MAP2: variants seen among roughly 807,000 people sequenced by gnomAD.
MAP2 encodes the protein microtubule-associated protein 2.
MAP2 carries 14 observed loss-of-function variants against 137.6 expected under a neutral mutation model. The ratio of observed to expected loss-of-function variants is 0.10; its 90% CI spans 0.07 to 0.16. MAP2 has a LOEUF of 0.16. Ranked by LOEUF, MAP2 falls within the 10% of genes least tolerant of loss-of-function variation. The pLI, the probability that MAP2 is intolerant of heterozygous loss-of-function variation, is 1.00. For missense variants in MAP2, 2,088 were observed against 2,191.5 expected, an observed-to-expected ratio of 0.95 and a Z score of 0.94; for synonymous variants, 786 against 782.3, an observed-to-expected ratio of 1.00 and a Z score of -0.08.
chr2:209,594,970 A>G (rs547530919), intron 3 of MAP2, among the ~76,000 whole-genome samples: 2 of 152,320 alleles, frequency 1.3e-5, no homozygotes, highest in African/African-American at 4.8e-5. Flanking sequence ...TAGTTACAGG[A>G]TAACCCCTTC....
At chr2:209,523,143 C>T (rs991523435) in intron 2 of MAP2, among the ~76,000 whole-genome samples, 2 of 152,106 alleles carry the variant, frequency 1.3e-5, no homozygotes, top group Admixed American at 6.6e-5. Context: ...GCTTAGACCT[C>T]AGTTACTCAG....
intron 3 of MAP2, among the ~76,000 whole-genome samples, chr2:209,595,884 T>C (rs1329309233): frequency 6.6e-6 from 1 of 152,042 alleles, no homozygotes; most frequent in Non-Finnish European, 1.5e-5. Context: ...ATGTTCTCAC[T>C]CATAGGTGGG....
rs578033441 is a variant in MAP2, at chr2:209,610,641, T to A, written c.-106-14412T>A. Among the ~76,000 whole-genome samples the A allele has an allele frequency of 5.9e-4, 90 of 152,256 alleles. 1 individual carries two copies. The highest frequency in any genetic ancestry group is 1.0e-3 in the Admixed American group (16 of 15,286). The stretch of plus-strand genomic sequence containing the variant: ...AGGATAAACAGCCTCCTTATTAGAA[T>A]TCTCCAATTCAATTTTGTGAAGAAC... On this transcript the variant is annotated intron_variant, in intron 3 of 15. Coordinates refer to ENST00000682079, the MANE Select transcript of MAP2 (RefSeq NM_001375505.1).
intron 1 of MAP2, among the ~76,000 whole-genome samples, chr2:209,481,927 T>C (rs1708872922): frequency 6.6e-6 from 1 of 152,188 alleles, no homozygotes; most frequent in African/African-American, 2.4e-5. Context: ...GATGTTACAG[T>C]TATTTGTGAG....
chr2:209,478,075 T>A (rs1305184211), intron 1 of MAP2, among the ~76,000 whole-genome samples: 1 of 152,214 alleles, frequency 6.6e-6, no homozygotes, highest in Non-Finnish European at 1.5e-5. Context: ...AAGTGCTACT[T>A]GGGCTAAAGT....
intron 4 of MAP2, among the ~76,000 whole-genome samples, chr2:209,638,609 A>T (rs1235650659): frequency 2.0e-5 from 3 of 152,142 alleles, no homozygotes; most frequent in Non-Finnish European, 4.4e-5. Context: ...TGCTCCACAG[A>T]TGTAGTAGGT....
At chr2:209,519,691 G>A (rs2063000018) in intron 2 of MAP2, among the ~76,000 whole-genome samples, 1 of 152,030 alleles carries the variant, frequency 6.6e-6, no homozygotes, top group Non-Finnish European at 1.5e-5. Flanking sequence ...AGAGAGATTT[G>A]AATAAGAGGT....
At chr2:209,651,840 A>G (rs1167686303) in intron 4 of MAP2, among the ~76,000 whole-genome samples, 5 of 152,164 alleles carry the variant, frequency 3.3e-5, no homozygotes, top group Non-Finnish European at 5.9e-5. Context: ...TAGCAACAAA[A>G]TTCAGTTAAA....
intron 13 of MAP2, chr2:209,723,747 G>A: frequency 8.9e-7 from 1 of 1,125,592 alleles, no homozygotes; most frequent in Non-Finnish European, 1.4e-6. Context: ...TGCACAGCCA[G>A]CACCCTGCCT....
At chr2:209,551,695 C>T (rs927382305) in intron 2 of MAP2, among the ~76,000 whole-genome samples, 2 of 151,998 alleles carry the variant, frequency 1.3e-5, no homozygotes, top group East Asian at 1.9e-4. Flanking sequence ...TTGCATGTAC[C>T]GAAATGTTCT....
chr2:209,676,759 A>C (rs1465392917), intron 5 of MAP2, among the ~76,000 whole-genome samples: 5 of 94,650 alleles, frequency 5.3e-5, no homozygotes, highest in Non-Finnish European at 1.1e-4. Flanking sequence ...ATATATATAT[A>C]TATATATATA....
In MAP2 at chr2:209,587,850, T is replaced by C. The variant is rs141864779; in HGVS notation, c.-107+7750T>C. 4.1e-3 allele frequency among the ~76,000 whole-genome samples: 617 copies of C among 152,290 alleles called. 5 individuals are homozygous for C. Among genetic ancestry groups the C allele is most frequent in the African/African-American group, 0.014 (581 of 41,572 alleles). On this transcript the variant is annotated intron_variant, in intron 3 of 15. Transcript: ENST00000682079. The stretch of plus-strand genomic sequence containing the variant: ...CCAGACCTTGTTATCATTTTGTAAT[T>C]TGTTGTATACTTAAACAGCCAAATA...
intron 2 of MAP2, among the ~76,000 whole-genome samples, chr2:209,548,336 C>A (rs552122806): frequency 6.6e-6 from 1 of 152,198 alleles, no homozygotes; most frequent in Non-Finnish European, 1.5e-5. Context: ...TTCAGAGGGA[C>A]AATTAAGATG....
chr2:209,561,077 G>T (rs2071945628), intron 2 of MAP2, among the ~76,000 whole-genome samples: 1 of 152,156 alleles, frequency 6.6e-6, no homozygotes, highest in South Asian at 2.1e-4. Context: ...GCAAAAGCAG[G>T]CATGAGGTTG....
intron 14 of MAP2, among the ~76,000 whole-genome samples, chr2:209,728,609 C>T (rs1445582345): frequency 6.6e-6 from 1 of 152,200 alleles, no homozygotes; most frequent in African/African-American, 2.4e-5. Flanking sequence ...AGAAAAATAC[C>T]TCATGGCTTA....
chr2:209,646,827 T>C (rs2153592929), intron 4 of MAP2, among the ~76,000 whole-genome samples: 1 of 152,294 alleles, frequency 6.6e-6, no homozygotes, highest in Non-Finnish European at 1.5e-5. Flanking sequence ...TTTACTTGCT[T>C]CTCAATCTCT....
intron 2 of MAP2, among the ~76,000 whole-genome samples, chr2:209,541,250 G>A (rs1183860796): frequency 2.6e-5 from 4 of 151,048 alleles, no homozygotes; most frequent in African/African-American, 7.4e-5. Flanking sequence ...GGCTGGTCTC[G>A]AACTTCTAAC....
chr2:209,600,697 A>C (rs1378197163), intron 3 of MAP2, among the ~76,000 whole-genome samples: 1 of 152,184 alleles, frequency 6.6e-6, no homozygotes, highest in Non-Finnish European at 1.5e-5. Context: ...TATTAAGGGC[A>C]AACCTCCTTG....
intron 2 of MAP2, among the ~76,000 whole-genome samples, chr2:209,520,742 G>A (rs1331265803): frequency 1.3e-5 from 2 of 151,860 alleles, no homozygotes; most frequent in African/African-American, 2.4e-5. Flanking sequence ...ATTAAAAGGT[G>A]GTTGTTTCAT....
Sources: allele counts gnomAD v4.1 joint callset (sites outside exome capture counted in the v4.1 genomes callset), GRCh38; gene constraint gnomAD v4.1.1; transcripts MANE v1.5; gene names NCBI Gene and HGNC (gene_info 2026-07-23, HGNC 2026-07-21).